ABCA13: variants seen among roughly 807,000 people sequenced by gnomAD.
ABCA13 encodes the protein ATP-binding cassette sub-family A member 13.
Under a neutral mutation model 478.7 loss-of-function variants are expected in ABCA13, and 476 were observed. That is an observed-to-expected ratio of 0.99 (90% confidence interval 0.92 to 1.07). The LOEUF is 1.07. ABCA13 is among the 50% of genes least tolerant of loss of function. The pLI is 0.00. For missense variants in ABCA13, 6,060 were observed against 5,910.6 expected, an observed-to-expected ratio of 1.03 and a Z score of -0.83; for synonymous variants, 2,252 against 2,158.9, an observed-to-expected ratio of 1.04 and a Z score of -1.20.
intron 31 of ABCA13, among the ~76,000 whole-genome samples, chr7:48,366,476 G>A (rs1811689716): frequency 6.6e-6 from 1 of 151,972 alleles, no homozygotes; most frequent in Non-Finnish European, 1.5e-5. Flanking sequence ...TGCTATCACA[G>A]AATACCCGAG....
At chr7:48,399,691 A>G (rs62449237) in intron 38 of ABCA13, among the ~76,000 whole-genome samples, 31,164 of 152,096 alleles carry the variant, frequency 0.2, 3,489 homozygotes, top group East Asian at 0.23. Flanking sequence ...GAAGAAAGAG[A>G]CAGTGCACAA....
At chr7:48,427,118 G>A (rs1821533916) in intron 41 of ABCA13, among the ~76,000 whole-genome samples, 3 of 152,230 alleles carry the variant, frequency 2.0e-5, no homozygotes, top group South Asian at 2.1e-4. Flanking sequence ...CAAGGCCCTC[G>A]ATGTCTCCAC....
At chr7:48,398,395 G>A (rs28754827) in intron 38 of ABCA13, among the ~76,000 whole-genome samples, 29,523 of 151,974 alleles carry the variant, frequency 0.19, 3,233 homozygotes, top group East Asian at 0.23. Context: ...AAAGCAACCA[G>A]AATAAGATCA....
rs913351892 is a variant in ABCA13 at position 48,481,045 on chromosome 7, A to G, written c.12985A>G (p.Asn4329Asp). 4 of 1,591,324 alleles carry G rather than the reference A, an allele frequency of 2.5e-6. No homozygotes were observed. Among genetic ancestry groups the G allele is most frequent in the East Asian group, 2.3e-5 (1 of 44,192 alleles). Residue 4329 changes from asparagine to aspartate, a missense_variant, in exon 46 of 62, where the codon AAT becomes GAT. Around this residue, in one of 3 missense-constraint regions of ABCA13, gnomAD observed 1,627 missense variants for 1,571.0 expected, o/e 1.04. Coordinates refer to ENST00000435803, the MANE Select transcript of ABCA13 (RefSeq NM_152701.5). Reference sequence around the variant, plus strand: ...TTGAAAACAATTTCAGAAGTGTCCAAATAGAAGTGCTAGTGCTCCCTACCT... The same window carrying G: ...TTGAAAACAATTTCAGAAGTGTCCAGATAGAAGTGCTAGTGCTCCCTACCT... ...QDSCGCLKCP[N>D]RSASAPYLTN...
At chr7:48,523,047 T>G (rs977411830) in intron 53 of ABCA13, among the ~76,000 whole-genome samples, 1 of 152,230 alleles carries the variant, frequency 6.6e-6, no homozygotes, top group Non-Finnish European at 1.5e-5. Flanking sequence ...AACACATTGA[T>G]GTAGCCCCCT....
At chr7:48,444,050 T>C (rs1355964745) in intron 42 of ABCA13, among the ~76,000 whole-genome samples, 3 of 152,124 alleles carry the variant, frequency 2.0e-5, no homozygotes, top group African/African-American at 7.2e-5. Context: ...TAGGGCCCTC[T>C]TCCTAGGTGA....
At chr7:48,530,748 G>C (rs979924543) in intron 55 of ABCA13, among the ~76,000 whole-genome samples, 2 of 152,076 alleles carry the variant, frequency 1.3e-5, no homozygotes, top group African/African-American at 4.8e-5. Flanking sequence ...GTGATGTTGA[G>C]CATTTTTTCA....
intron 31 of ABCA13, among the ~76,000 whole-genome samples, chr7:48,355,216 G>C (rs1809696889): frequency 6.6e-6 from 1 of 151,974 alleles, no homozygotes; most frequent in African/African-American, 2.4e-5. Flanking sequence ...AGGAGGGGAA[G>C]ATGGAATTGT....
chr7:48,463,295 G>A (rs1161682015), intron 43 of ABCA13, among the ~76,000 whole-genome samples: 1 of 152,164 alleles, frequency 6.6e-6, no homozygotes, highest in African/African-American at 2.4e-5. Context: ...ACGAAGTTCC[G>A]AATCAAAGCA....
intron 43 of ABCA13, 22 bp downstream of exon 43, chr7:48,455,308 G>A: frequency 6.3e-7 from 1 of 1,580,134 alleles, no homozygotes; most frequent in South Asian, 1.1e-5. Flanking sequence ...TTGTTCCTTT[G>A]ATTTCGAAAT....
intron 1 of ABCA13, among the ~76,000 whole-genome samples, chr7:48,188,355 T>C (rs1441301111): frequency 6.6e-6 from 1 of 152,210 alleles, no homozygotes; most frequent in Non-Finnish European, 1.5e-5. Context: ...TCCTTGTTTA[T>C]TTGATCATTC....
At chr7:48,374,505 C>A (rs2129031988) in intron 34 of ABCA13, 89 bp downstream of exon 34, 2 of 1,212,128 alleles carry the variant, frequency 1.6e-6, no homozygotes, top group Non-Finnish European at 1.2e-6. Context: ...AGTAGGAAGT[C>A]TTCATTATCA....
At chr7:48,502,463 A>G (rs755411405) in intron 48 of ABCA13, among the ~76,000 whole-genome samples, 1 of 152,166 alleles carries the variant, frequency 6.6e-6, no homozygotes, top group Non-Finnish European at 1.5e-5. Context: ...TTAATATTTT[A>G]TTATTGAGCT....
chr7:48,635,124 A>G (rs1344906023), intron 59 of ABCA13, among the ~76,000 whole-genome samples: 1 of 151,160 alleles, frequency 6.6e-6, no homozygotes, highest in African/African-American at 2.4e-5. Flanking sequence ...TTTAGCCTGT[A>G]TCTCCGATGA....
chr7:48,505,410 C>T (rs555958552), intron 48 of ABCA13, among the ~76,000 whole-genome samples: 70 of 151,762 alleles, frequency 4.6e-4, no homozygotes, highest in African/African-American at 1.3e-3. Context: ...AAAGCAGTGC[C>T]GATAAGATAA....
chr7:48,250,478 C>T (rs989856332), intron 15 of ABCA13, among the ~76,000 whole-genome samples: 4 of 152,154 alleles, frequency 2.6e-5, no homozygotes, highest in African/African-American at 9.7e-5. Context: ...CTGGGGCTAT[C>T]CAGCGCCTCT....
At chr7:48,283,591 A>G (rs1185567485) in intron 19 of ABCA13, among the ~76,000 whole-genome samples, 1 of 152,178 alleles carries the variant, frequency 6.6e-6, no homozygotes. Flanking sequence ...GGATAGGTCA[A>G]TGCATGAGGG....
intron 1 of ABCA13, among the ~76,000 whole-genome samples, chr7:48,191,025 G>A (rs1474269156): frequency 2.0e-5 from 3 of 152,064 alleles, no homozygotes; most frequent in Non-Finnish European, 4.4e-5. Flanking sequence ...AGAAAATTAT[G>A]TGTTTATTAT....
intron 16 of ABCA13, among the ~76,000 whole-genome samples, chr7:48,270,519 G>A (rs2128745285): frequency 6.6e-6 from 1 of 152,234 alleles, no homozygotes; most frequent in East Asian, 1.9e-4. Flanking sequence ...TGGTAGTTAG[G>A]CATCTATTCT....
Sources: allele counts gnomAD v4.1 joint callset (sites outside exome capture counted in the v4.1 genomes callset), GRCh38; gene constraint gnomAD v4.1.1; regional missense constraint gnomAD v4.1.1; transcripts MANE v1.5; gene names NCBI Gene and HGNC (gene_info 2026-07-23, HGNC 2026-07-21).